The following DCDC2C variants were observed in gnomAD, a reference collection of about 807,000 sequenced individuals.
DCDC2C encodes doublecortin domain containing 2C.
In DCDC2C, 44 loss-of-function variants were observed where a neutral mutation model predicts 45.0. The ratio of observed to expected loss-of-function variants is 0.98; its 90% CI spans 0.77 to 1.26. The LOEUF (loss-of-function observed/expected upper bound fraction) is 1.26, where lower values mean the gene tolerates loss of function less well. Among genes scored for constraint, DCDC2C ranks in the 50% most tolerant of loss-of-function variants. The probability of loss-of-function intolerance (pLI) is 0.00; values close to 1 mark genes in which losing one functional copy is unlikely to be tolerated. For missense variants in DCDC2C, 447 were observed against 468.9 expected (o/e 0.95, Z 0.43); for synonymous variants, 187 against 178.8 (o/e 1.05, Z -0.37).
rs190396195 is a variant in DCDC2C at position 3,773,432 on chromosome 2, G to T, written c.954+4021G>T. On this transcript the variant is annotated intron_variant, in intron 8 of 10. Coordinates refer to ENST00000399143, the MANE Select transcript of DCDC2C (RefSeq NM_001287444.2). ...AATCTGTAGATGCGCGGGGGTGCATGGCCTGTGTGCCTGCTGCCCGATAAG... is the reference window on the plus strand; with the variant it reads ...AATCTGTAGATGCGCGGGGGTGCATTGCCTGTGTGCCTGCTGCCCGATAAG... Among the ~76,000 whole-genome samples, 9 of 152,300 alleles carry T rather than the reference G, an allele frequency of 5.9e-5. No homozygotes were observed. The East Asian group carries it at 1.4e-3, about 23-fold the overall frequency.
At chr2:3,760,027 G>A (rs1248063602) in intron 6 of DCDC2C, among the ~76,000 whole-genome samples, 3 of 152,156 alleles carry the variant, frequency 2.0e-5, no homozygotes, top group African/African-American at 7.2e-5. Flanking sequence ...GGCTTGACTG[G>A]ACCTCCCTTC....
intron 10 of DCDC2C, among the ~76,000 whole-genome samples, chr2:3,831,198 G>T (rs1255676240): frequency 6.6e-6 from 1 of 152,072 alleles, no homozygotes; most frequent in African/African-American, 2.4e-5. Flanking sequence ...TGATCCTAAA[G>T]AAGTTGTCAC....
chr2:3,744,508 G>A lies in DCDC2C; in HGVS notation c.545+2460G>A, dbSNP rs577947566. On this transcript the variant is annotated intron_variant, in intron 4 of 10. Coordinates refer to ENST00000399143, the MANE Select transcript of DCDC2C (RefSeq NM_001287444.2). ...GCTGAGAAGGCGCAGGGGAGATGAA[G>A]ATCTTTCAGGCTGAGAAGTGGGAAA... 8.5e-5 allele frequency among the ~76,000 whole-genome samples: 13 copies of A among 152,302 alleles called. No individual in the cohort carries two copies. In the East Asian group the frequency reaches 2.5e-3, roughly 29 times the overall value.
intron 10 of DCDC2C, among the ~76,000 whole-genome samples, chr2:3,841,143 C>T (rs541689897): frequency 1.3e-5 from 2 of 152,244 alleles, no homozygotes; most frequent in South Asian, 2.1e-4. Flanking sequence ...AAGAAAAGCT[C>T]GTGAAACTTG....
intron 10 of DCDC2C, among the ~76,000 whole-genome samples, chr2:3,789,013 AT>A (rs559891829): frequency 1.9e-4 from 28 of 147,940 alleles, no homozygotes; most frequent in African/African-American, 2.5e-4. Context: ...TACCCAGCTA[AT>A]TTTTTTTTTT....
At chr2:3,779,380 G>T (rs1395712022) in intron 9 of DCDC2C, among the ~76,000 whole-genome samples, 1 of 152,192 alleles carries the variant, frequency 6.6e-6, no homozygotes, top group African/African-American at 2.4e-5. Flanking sequence ...TGGCAGTGTG[G>T]GTTCTTGCTC....
At chr2:3,808,594 G>A (rs1012250424) in intron 10 of DCDC2C, among the ~76,000 whole-genome samples, 4 of 152,170 alleles carry the variant, frequency 2.6e-5, no homozygotes, top group African/African-American at 9.7e-5. Flanking sequence ...GTTTCACCGT[G>A]TTGGCCAGGA....
intron 6 of DCDC2C, among the ~76,000 whole-genome samples, chr2:3,766,714 C>T (rs763365454): frequency 4.6e-5 from 7 of 151,922 alleles, no homozygotes; most frequent in African/African-American, 9.7e-5. Context: ...ATAGAGAGCT[C>T]GAGAGAAATA....
chr2:3,738,208 G>A (rs936139650), intron 3 of DCDC2C, among the ~76,000 whole-genome samples: 1 of 152,194 alleles, frequency 6.6e-6, no homozygotes, highest in African/African-American at 2.4e-5. Context: ...GTGCACCATT[G>A]ACAGTTCACA....
intron 6 of DCDC2C, among the ~76,000 whole-genome samples, chr2:3,759,826 G>A (rs1669829389): frequency 6.6e-6 from 1 of 152,224 alleles, no homozygotes; most frequent in African/African-American, 2.4e-5. Context: ...GATTCTCTGT[G>A]GAATAGAAGG....
rs1367772670 is a variant in DCDC2C, at chr2:3,771,158, G to A, written c.954+1747G>A. On this transcript the variant is annotated intron_variant, in intron 8 of 10. Coordinates refer to ENST00000399143, the MANE Select transcript of DCDC2C (RefSeq NM_001287444.2). ...CGTCCTCCCTCTGCATCCTCCGTGC[G>A]TGGCGAGAGCAGAAAGAGCGGCTGT... Among the ~76,000 whole-genome samples the A allele has an allele frequency of 5.3e-5, 8 of 152,250 alleles. No individual in the cohort carries two copies. The East Asian group carries it at 9.6e-4, about 18-fold the overall frequency.
chr2:3,755,420 T>C (rs546560531), intron 6 of DCDC2C, among the ~76,000 whole-genome samples: 1 of 152,112 alleles, frequency 6.6e-6, no homozygotes, highest in Non-Finnish European at 1.5e-5. Context: ...TAAATACATG[T>C]GTGTATGGAG....
chr2:3,767,676 C>A, intron 6 of DCDC2C, 78 bp from the exon 7 acceptor site: 1 of 1,500,934 alleles, frequency 6.7e-7, no homozygotes, highest in Non-Finnish European at 8.9e-7. Flanking sequence ...GTCTTCCTGA[C>A]CACACCCAGA....
chr2:3,731,196 C>G (rs1668857269), intron 3 of DCDC2C, among the ~76,000 whole-genome samples: 1 of 152,164 alleles, frequency 6.6e-6, no homozygotes, highest in Non-Finnish European at 1.5e-5. Context: ...GTGGGAGGGA[C>G]AGACCACCCT....
chr2:3,737,349 G>A (rs1026657189), intron 3 of DCDC2C, among the ~76,000 whole-genome samples: 2 of 152,210 alleles, frequency 1.3e-5, no homozygotes, highest in African/African-American at 4.8e-5. Context: ...CAGGATGAGG[G>A]GAGGGCGCAG....
At chr2:3,802,393 T>G (rs1413289529) in intron 10 of DCDC2C, among the ~76,000 whole-genome samples, 1 of 152,256 alleles carries the variant, frequency 6.6e-6, no homozygotes, top group African/African-American at 2.4e-5. Flanking sequence ...TTAAGTTAGA[T>G]GGCTTCTTTC....
At chr2:3,711,390 C>T (rs1668204464) in intron 2 of DCDC2C, among the ~76,000 whole-genome samples, 1 of 152,002 alleles carries the variant, frequency 6.6e-6, no homozygotes, top group South Asian at 2.1e-4. Context: ...TGGAACCAAC[C>T]TAAATGCCCA....
chr2:3,769,205 G>A (rs1670094676), intron 7 of DCDC2C, 106 bp from the exon 8 acceptor site: 1 of 1,081,220 alleles, frequency 9.2e-7, no homozygotes, highest in Non-Finnish European at 1.3e-6. Context: ...CCTGCCCGAA[G>A]CTCCAGGATG....
rs373636410 is a variant in DCDC2C, at chr2:3,819,027, C to T, written c.1066-28127C>T. On this transcript the variant is annotated intron_variant, in intron 10 of 10. Coordinates refer to ENST00000399143, the MANE Select transcript of DCDC2C (RefSeq NM_001287444.2). ...AGCTATGGAAGCAAGGGAAACAGGC[C>T]CTTGAAAGGAAGGTAATGTGGAGTG... Among the ~76,000 whole-genome samples the T allele has an allele frequency of 2.9e-3, 444 of 152,120 alleles. 3 individuals are homozygous for T. The highest frequency in any genetic ancestry group is 9.1e-3 in the African/African-American group (378 of 41,476).
Sources: allele counts gnomAD v4.1 joint callset (sites outside exome capture counted in the v4.1 genomes callset), GRCh38; gene constraint gnomAD v4.1.1; transcripts MANE v1.5; gene names NCBI Gene and HGNC (gene_info 2026-07-23, HGNC 2026-07-21).